BSPH1: variants seen among roughly 807,000 people sequenced by gnomAD.
BSPH1 encodes binder of sperm 1.
A neutral mutation model predicts 22.5 loss-of-function variants in BSPH1; 21 were observed. The ratio of observed to expected loss-of-function variants is 0.93; its 90% CI spans 0.66 to 1.35. BSPH1 has a LOEUF of 1.35. Ranked by LOEUF, BSPH1 falls within the 40% of genes most tolerant of loss-of-function variation. The probability of loss-of-function intolerance (pLI) is 0.00; values close to 1 mark genes in which losing one functional copy is unlikely to be tolerated. For missense variants in BSPH1, 141 were observed against 154.2 expected (o/e 0.91, Z 0.45); for synonymous variants, 42 against 53.6 (o/e 0.78, Z 0.95).
At chr19:47,979,042 G>C (rs1249773073) in intron 3 of BSPH1, among the ~76,000 whole-genome samples, 1 of 152,066 alleles carries the variant, frequency 6.6e-6, no homozygotes, top group Non-Finnish European at 1.5e-5. Context: ...TTATTAGAGA[G>C]GTAAGGAAGC....
intron 1 of BSPH1, among the ~76,000 whole-genome samples, chr19:47,984,163 A>T (rs867782857): frequency 0.019 from 2,608 of 135,690 alleles, 34 homozygotes; most frequent in East Asian, 0.03. Flanking sequence ...AAAAAAAAAA[A>T]ATATATATAT....
At chr19:47,975,789 G>C (rs1247292554) in intron 5 of BSPH1, among the ~76,000 whole-genome samples, 1 of 151,712 alleles carries the variant, frequency 6.6e-6, no homozygotes, top group Admixed American at 6.6e-5. Context: ...CTGAGTAGCT[G>C]GGACTACAGG....
At chr19:47,981,497 C>T (rs1427665000) in intron 1 of BSPH1, among the ~76,000 whole-genome samples, 1 of 152,212 alleles carries the variant, frequency 6.6e-6, no homozygotes, top group Admixed American at 6.5e-5. Flanking sequence ...GTGAGGCAGG[C>T]ATTGTTTCCA....
intron 3 of BSPH1, among the ~76,000 whole-genome samples, chr19:47,978,770 T>C (rs1167800976): frequency 6.6e-6 from 1 of 152,250 alleles, no homozygotes; most frequent in African/African-American, 2.4e-5. Flanking sequence ...TACTGGTCTT[T>C]AGGCCATACA....
chr19:47,985,743 G>T (rs1194151427), intron 1 of BSPH1, among the ~76,000 whole-genome samples: 1 of 151,274 alleles, frequency 6.6e-6, no homozygotes, highest in African/African-American at 2.4e-5. Flanking sequence ...GCTGAGGCAG[G>T]AGAATCACTT....
chr19:47,982,256 A>G (rs148965467), intron 1 of BSPH1, among the ~76,000 whole-genome samples: 2 of 152,378 alleles, frequency 1.3e-5, no homozygotes, highest in African/African-American at 4.8e-5. Flanking sequence ...TTCTGTGTTC[A>G]TAACTAGTTC....
At chr19:47,980,900 A>C in intron 2 of BSPH1, 21 bp downstream of exon 2, 1 of 1,427,388 alleles carries the variant, frequency 7.0e-7, no homozygotes, top group Non-Finnish European at 9.4e-7. Context: ...AACGCTAATA[A>C]AAGTTTTTTG....
At chr19:47,971,123 T>C (rs1362693442) in intron 5 of BSPH1, among the ~76,000 whole-genome samples, 1 of 152,196 alleles carries the variant, frequency 6.6e-6, no homozygotes, top group Admixed American at 6.5e-5. Context: ...GCATTATCAC[T>C]GGGACCGTCC....
intron 5 of BSPH1, among the ~76,000 whole-genome samples, chr19:47,973,086 G>A (rs1291574755): frequency 2.0e-5 from 3 of 151,650 alleles, no homozygotes; most frequent in Non-Finnish European, 4.4e-5. Context: ...GCGTGGTGGC[G>A]GGCGCCTGTA....
intron 2 of BSPH1, 112 bp from the exon 3 acceptor site, chr19:47,979,711 T>C: frequency 2.1e-6 from 1 of 478,336 alleles, no homozygotes; most frequent in Non-Finnish European, 3.8e-6. Context: ...AAAGTGATAT[T>C]GTTATGGCAT....
intron 5 of BSPH1, among the ~76,000 whole-genome samples, chr19:47,972,941 G>A (rs986588742): frequency 6.6e-6 from 1 of 151,398 alleles, no homozygotes; most frequent in African/African-American, 2.4e-5. Flanking sequence ...TAGGCGGCCG[G>A]GCGCGGTGGC....
chr19:47,969,869 C>CTTTAGAA (rs1423561047), intron 5 of BSPH1, among the ~76,000 whole-genome samples: 2 of 150,098 alleles, frequency 1.3e-5, no homozygotes, highest in African/African-American at 2.5e-5. Context: ...CAGAGAGAGA[C>CTTTAGAA]TTTAGAATTT....
intron 5 of BSPH1, among the ~76,000 whole-genome samples, chr19:47,974,549 C>T (rs1292248191): frequency 6.6e-6 from 1 of 151,988 alleles, no homozygotes; most frequent in Admixed American, 6.6e-5. Flanking sequence ...GGATTACAGG[C>T]GTGAGCCACT....
downstream of BSPH1, chr19:47,968,032 C>T (rs944389605): frequency 2.6e-5 from 4 of 152,174 alleles, no homozygotes; most frequent in Non-Finnish European, 5.9e-5. Flanking sequence ...AAAGATTTCC[C>T]TTTTGCTAGA....
chr19:47,989,540 A>G (rs1008215295), intron 1 of BSPH1, among the ~76,000 whole-genome samples: 2 of 150,552 alleles, frequency 1.3e-5, no homozygotes, highest in Non-Finnish European at 2.9e-5. Context: ...CTCATCAAGA[A>G]CTGGGACTCC....
chr19:47,977,883 C>T (rs1303939964), intron 3 of BSPH1, among the ~76,000 whole-genome samples: 1 of 151,400 alleles, frequency 6.6e-6, no homozygotes, highest in Non-Finnish European at 1.5e-5. Flanking sequence ...CTCTCCCTCT[C>T]CCATGCAACT....
intron 5 of BSPH1, among the ~76,000 whole-genome samples, chr19:47,975,310 C>T (rs1336092766): frequency 6.6e-6 from 1 of 152,146 alleles, no homozygotes; most frequent in Non-Finnish European, 1.5e-5. Context: ...GGATTACAGG[C>T]GTCAGCCACC....
chr19:47,980,660 C>T (rs1455121784), intron 2 of BSPH1, among the ~76,000 whole-genome samples: 13 of 151,684 alleles, frequency 8.6e-5, no homozygotes, highest in African/African-American at 2.7e-4. Context: ...TTAGTAGAGA[C>T]GGGGTTTCAC....
At chr19:47,970,537 C>T (rs370176658) in intron 5 of BSPH1, among the ~76,000 whole-genome samples, 1 of 152,124 alleles carries the variant, frequency 6.6e-6, no homozygotes, top group Non-Finnish European at 1.5e-5. Flanking sequence ...TGACTTGATG[C>T]GGATCGCAAG....
Sources: allele counts gnomAD v4.1 joint callset (sites outside exome capture counted in the v4.1 genomes callset), GRCh38; gene constraint gnomAD v4.1.1; transcripts MANE v1.5; gene names NCBI Gene and HGNC (gene_info 2026-07-23, HGNC 2026-07-21).